VRTN: variants seen among roughly 807,000 people sequenced by gnomAD.
VRTN encodes vertnin.
Under a neutral mutation model 18.2 loss-of-function variants are expected in VRTN, and 5 were observed. That is an observed-to-expected ratio of 0.27 (90% CI 0.14 to 0.58). The LOEUF (loss-of-function observed/expected upper bound fraction) is 0.58. Ranked by LOEUF, VRTN falls within the 20% of genes least tolerant of loss-of-function variation. The pLI is 0.91. For synonymous variants in VRTN, 381 were observed against 393.7 expected (o/e 0.97, Z 0.38); for missense variants, 741 against 939.4 (o/e 0.79, Z 2.76).
In VRTN at chr14:74,358,252, A is replaced by G. The variant is rs747341253; in HGVS notation, c.1469A>G (p.Asp490Gly). The change falls in exon 2 of 2, where the codon GAC becomes GGC. Residue 490 changes from aspartate to glycine, a missense_variant. Physicochemically the swap from Asp to Gly is moderately conservative, Grantham distance 94. Around this residue, in one of 3 missense-constraint regions of VRTN, gnomAD observed 494 missense variants for 546.5 expected, o/e 0.90. Coordinates refer to ENST00000256362, the MANE Select transcript of VRTN (RefSeq NM_018228.3). The surrounding 1 kb of genome is among the most constrained non-coding windows in gnomAD (Gnocchi z 5.4). ...GGGGCAGGGAATGCCACAGGTGAGGACCCTCCCGCCCCCGGGGAGCTCCTG... is the reference window on the plus strand; with the variant it reads ...GGGGCAGGGAATGCCACAGGTGAGGGCCCTCCCGCCCCCGGGGAGCTCCTG... ...EEGAGNATGEDPPAPGELLPL... is the reference protein window; with the variant it reads ...EEGAGNATGEGPPAPGELLPL... 1.9e-6 allele frequency: 3 copies of G among 1,608,574 alleles called. No homozygotes were observed. Among genetic ancestry groups the G allele is most frequent in the Non-Finnish European group, 2.5e-6 (3 of 1,177,658 alleles).
chr14:74,311,258 G>A (rs1040389407), intron 1 of VRTN, among the ~76,000 whole-genome samples: 7 of 152,050 alleles, frequency 4.6e-5, no homozygotes, highest in Non-Finnish European at 4.4e-5. Context: ...AAATAAGTTT[G>A]TCTTCCACCC....
intron 1 of VRTN, among the ~76,000 whole-genome samples, chr14:74,350,884 A>C (rs936073207): frequency 6.6e-6 from 1 of 152,242 alleles, no homozygotes; most frequent in Non-Finnish European, 1.5e-5. Flanking sequence ...TTAACACTTC[A>C]GGGAACATCA....
chr14:74,318,702 G>A (rs1438411857), intron 1 of VRTN, among the ~76,000 whole-genome samples: 3 of 147,390 alleles, frequency 2.0e-5, no homozygotes, highest in South Asian at 2.2e-4. Flanking sequence ...GTGAGCCACC[G>A]TGTCCGGCCT....
intron 2 of VRTN, among the ~76,000 whole-genome samples, chr14:74,342,828 C>A (rs570486363): frequency 2.6e-5 from 4 of 152,126 alleles, no homozygotes; most frequent in East Asian, 3.9e-4. Flanking sequence ...CTGTGTTGCT[C>A]AAGCTGGTGT....
At chr14:74,310,718 A>G (rs888535691) in intron 1 of VRTN, among the ~76,000 whole-genome samples, 1 of 151,836 alleles carries the variant, frequency 6.6e-6, no homozygotes, top group Non-Finnish European at 1.5e-5. Context: ...TTGTATTTTT[A>G]GTAGAGATGG....
intron 1 of VRTN, chr14:74,303,236 C>T: frequency 3.2e-6 from 1 of 308,764 alleles, no homozygotes; most frequent in East Asian, 5.3e-5. Flanking sequence ...GAGAAGCCAG[C>T]ATGATCTTTA....
At chr14:74,341,810 C>T (rs2085607072) in intron 2 of VRTN, among the ~76,000 whole-genome samples, 1 of 152,196 alleles carries the variant, frequency 6.6e-6, no homozygotes, top group African/African-American at 2.4e-5. Context: ...TGAGCCACCA[C>T]ACCTGGCCGC....
chr14:74,319,706 T>C (rs1456267753), intron 1 of VRTN, among the ~76,000 whole-genome samples: 3 of 152,172 alleles, frequency 2.0e-5, no homozygotes, highest in Admixed American at 2.0e-4. Flanking sequence ...TTAGGGAAGA[T>C]GTCTGAGCTG....
intron 1 of VRTN, among the ~76,000 whole-genome samples, chr14:74,326,484 CTGTT>C (rs958576685): frequency 1.3e-5 from 2 of 152,086 alleles, no homozygotes; most frequent in African/African-American, 4.8e-5. Flanking sequence ...GCTGAGGAAT[CTGTT>C]TGTCATCCAC....
intron 1 of VRTN, among the ~76,000 whole-genome samples, chr14:74,326,945 T>A (rs1262383460): frequency 7.5e-6 from 1 of 133,936 alleles, no homozygotes; most frequent in South Asian, 2.4e-4. Flanking sequence ...GTAGATCCTT[T>A]GTCTAGGACA....
chr14:74,355,917 G>A (rs1026242768), intron 1 of VRTN, among the ~76,000 whole-genome samples: 12 of 149,270 alleles, frequency 8.0e-5, no homozygotes, highest in South Asian at 2.1e-4. Context: ...CTGCAGCCTC[G>A]GATTCCCAGG....
chr14:74,309,014 C>T (rs1168119823), intron 1 of VRTN, among the ~76,000 whole-genome samples: 6 of 152,080 alleles, frequency 3.9e-5, no homozygotes, highest in South Asian at 4.1e-4. Flanking sequence ...AGGCTTATGC[C>T]ACCATGCCCA....
In VRTN at chr14:74,311,216, A is replaced by T. The variant is rs879405652; in HGVS notation, c.-164+8040A>T. Among the ~76,000 whole-genome samples, 6 of 152,206 alleles carry T rather than the reference A, an allele frequency of 3.9e-5. No individual in the cohort carries two copies. The East Asian group carries it at 5.8e-4, about 15-fold the overall frequency. ...ATTGAAAAGCATGTGGTTAAAAAAA[A>T]TTTTGCAAAAGATGATAGGGCATAT... On this transcript the variant is annotated intron_variant, in intron 1 of 2. Coordinates refer to the VRTN transcript ENST00000557177.
At chr14:74,329,344 G>T (rs1176155249) in intron 1 of VRTN, among the ~76,000 whole-genome samples, 1 of 151,878 alleles carries the variant, frequency 6.6e-6, no homozygotes, top group Non-Finnish European at 1.5e-5. Context: ...ATCTTCCAGG[G>T]CTCCAGTGAT....
At chr14:74,351,926 C>T (rs2085687740) in intron 1 of VRTN, among the ~76,000 whole-genome samples, 2 of 152,000 alleles carry the variant, frequency 1.3e-5, no homozygotes, top group Non-Finnish European at 2.9e-5. Flanking sequence ...TCACTGCAAC[C>T]TCCGTCTCTT....
At chr14:74,353,243 T>G (rs1164337016) in intron 1 of VRTN, among the ~76,000 whole-genome samples, 2 of 152,000 alleles carry the variant, frequency 1.3e-5, no homozygotes, top group African/African-American at 4.8e-5. Flanking sequence ...GAGCAAAGAA[T>G]GAGCCACTGT....
chr14:74,357,316 C>G lies in VRTN; in HGVS notation c.533C>G (p.Ala178Gly), dbSNP rs771252910. Residue 178 changes from alanine (A) to glycine (G), a missense_variant, in exon 2 of 2, where the codon GCT becomes GGT. Coordinates refer to ENST00000256362, the MANE Select transcript of VRTN (RefSeq NM_018228.3). This position sits in a 1 kb window ranked among gnomAD's most constrained non-coding sequence, Gnocchi z 7.8. ...SSFSNVWHLY[A>G]LASVLQRNIY... ...TTCTCCAACGTGTGGCACTTGTATG[C>G]TCTCGCCTCTGTCCTCCAGCGGAAC... is the stretch of plus-strand genomic sequence containing the variant. 1.2e-6 allele frequency: 2 copies of G among 1,613,958 alleles called. No individual in the cohort carries two copies. Among genetic ancestry groups the G allele is most frequent in the Non-Finnish European group, 1.7e-6 (2 of 1,179,884 alleles).
chr14:74,333,407 T>A (rs1434220471), intron 1 of VRTN, among the ~76,000 whole-genome samples: 1 of 150,632 alleles, frequency 6.6e-6, no homozygotes, highest in African/African-American at 2.4e-5. Context: ...GGAGGATCAC[T>A]TGAACCCGGG....
chr14:74,352,247 C>T (rs760146626), intron 1 of VRTN, among the ~76,000 whole-genome samples: 27 of 150,292 alleles, frequency 1.8e-4, no homozygotes, highest in Admixed American at 2.0e-4. Flanking sequence ...TGGGCGATCT[C>T]GGCTCACTGC....
Sources: allele counts gnomAD v4.1 joint callset (sites outside exome capture counted in the v4.1 genomes callset), GRCh38; gene constraint gnomAD v4.1.1; regional missense constraint gnomAD v4.1.1; non-coding constraint Gnocchi (gnomAD v3.1); transcripts MANE v1.5; gene names NCBI Gene and HGNC (gene_info 2026-07-23, HGNC 2026-07-21).